FER: variants seen among roughly 807,000 people sequenced by gnomAD.
FER encodes FER tyrosine kinase.
A neutral mutation model predicts 111.0 loss-of-function variants in FER; 63 were observed. The ratio of observed to expected loss-of-function variants is 0.57; its 90% CI spans 0.46 to 0.70. The LOEUF is 0.70. Ranked by LOEUF, FER falls within the 30% of genes least tolerant of loss-of-function variation. FER has a pLI of 0.00. For missense variants in FER, 914 were observed against 954.0 expected (o/e 0.96, Z 0.55); for synonymous variants, 327 against 313.9 (o/e 1.04, Z -0.44).
chr5:108,992,696 C>T (rs1224311670), intron 13 of FER, among the ~76,000 whole-genome samples: 3 of 151,682 alleles, frequency 2.0e-5, no homozygotes, highest in Admixed American at 2.0e-4. Flanking sequence ...CCACCTCCCT[C>T]CCGGATGGGG....
chr5:108,912,107 C>T (rs1359964666), intron 10 of FER, among the ~76,000 whole-genome samples: 1 of 152,164 alleles, frequency 6.6e-6, no homozygotes, highest in Non-Finnish European at 1.5e-5. Context: ...CTGCCTTCCA[C>T]CATAATTGTG....
In FER at chr5:109,146,020, A is replaced by G. The variant is rs528481669; in HGVS notation, c.2049-34727A>G. Among the ~76,000 whole-genome samples, 157 of 151,356 alleles carry G rather than the reference A, an allele frequency of 1.0e-3. 1 individual carries two copies. In the South Asian group the frequency reaches 0.013, roughly 13 times the overall value. On this transcript the variant is annotated intron_variant, in intron 17 of 19. Coordinates refer to ENST00000281092, the MANE Select transcript of FER (RefSeq NM_005246.4). ...CATCTTATGGTATTCAGTTTTTAAG[A>G]TACGTACAGATGACATACCAGGCAA...
At chr5:109,139,503 G>A (rs1003664921) in intron 17 of FER, among the ~76,000 whole-genome samples, 1 of 151,810 alleles carries the variant, frequency 6.6e-6, no homozygotes, top group Admixed American at 6.6e-5. Context: ...ATTGCTAAAA[G>A]ATAGCAGTTT....
At chr5:108,780,381 GTTT>G (rs35241586) in intron 2 of FER, among the ~76,000 whole-genome samples, 5 of 143,848 alleles carry the variant, frequency 3.5e-5, no homozygotes, top group East Asian at 4.1e-4. Context: ...AGGTTAGTGG[GTTT>G]TTTTTTTTTA....
At chr5:109,144,566 A>G (rs1476936058) in intron 17 of FER, among the ~76,000 whole-genome samples, 1 of 152,148 alleles carries the variant, frequency 6.6e-6, no homozygotes, top group Non-Finnish European at 1.5e-5. Flanking sequence ...TCCGATCTTT[A>G]AAAGTGAGAA....
At chr5:109,158,840 A>G (rs1352241481) in intron 17 of FER, among the ~76,000 whole-genome samples, 1 of 152,160 alleles carries the variant, frequency 6.6e-6, no homozygotes, top group East Asian at 1.9e-4. Flanking sequence ...CTTTTCTGCC[A>G]TATCTTAGAA....
At position 108,883,384 on chromosome 5, in the gene FER, T is replaced by C; in HGVS notation, c.924-12T>C. ...ATTTGTTGGTTGTTATTGAGGATAC[T>C]GTTTATTCTAGGTTGAAAACGTTAG... On this transcript the variant is annotated splice_polypyrimidine_tract_variant and intron_variant, in intron 8 of 19. Coordinates refer to ENST00000281092, the MANE Select transcript of FER (RefSeq NM_005246.4). The C allele has an allele frequency of 1.3e-6, 2 of 1,587,416 alleles. No individual in the cohort carries two copies. The highest frequency in any genetic ancestry group is 8.6e-7 in the Non-Finnish European group (1 of 1,168,178).
chr5:109,079,656 C>T (rs1426120437), intron 16 of FER, among the ~76,000 whole-genome samples: 3 of 149,978 alleles, frequency 2.0e-5, no homozygotes, highest in Non-Finnish European at 4.5e-5. Context: ...ATGCCAGAAC[C>T]CCTAAGTAAA....
At chr5:109,095,171 C>A (rs918793123) in intron 16 of FER, among the ~76,000 whole-genome samples, 13 of 152,006 alleles carry the variant, frequency 8.6e-5, no homozygotes, top group African/African-American at 2.9e-4. Flanking sequence ...ATTTATTAGA[C>A]CAAATTAGGA....
intron 6 of FER, 95 bp downstream of exon 6, chr5:108,868,045 A>G: frequency 2.6e-6 from 3 of 1,167,568 alleles, no homozygotes; most frequent in Admixed American, 2.6e-5. Context: ...AAGTTTTATT[A>G]TTAACCCAGT....
At chr5:109,093,761 C>T (rs547477741) in intron 16 of FER, among the ~76,000 whole-genome samples, 76 of 151,994 alleles carry the variant, frequency 5.0e-4, no homozygotes, top group African/African-American at 1.8e-3. Context: ...TTCTTTTTTT[C>T]TCTGCAGGTT....
Position 109,150,542 on chromosome 5 carries a change from A to G in FER, c.2049-30205A>G, listed in dbSNP as rs565618342. Among the ~76,000 whole-genome samples, 3 of 152,338 alleles carry G rather than the reference A, an allele frequency of 2.0e-5. 1 individual carries two copies. Among genetic ancestry groups the G allele is most frequent in the African/African-American group, 7.2e-5 (3 of 41,586 alleles). On this transcript the variant is annotated intron_variant, in intron 17 of 19. Transcript: ENST00000281092. ...CAGACTTCTCTGACACTGCTCTGGA[A>G]TACAAAATAGTAACTTAACTAGGAA...
At chr5:108,993,244 G>A (rs1763494758) in intron 13 of FER, among the ~76,000 whole-genome samples, 1 of 152,254 alleles carries the variant, frequency 6.6e-6, no homozygotes, top group African/African-American at 2.4e-5. Flanking sequence ...TCTAGCCTGG[G>A]CACCATTGAG....
intron 17 of FER, among the ~76,000 whole-genome samples, chr5:109,139,570 T>C (rs1471315558): frequency 6.6e-6 from 1 of 152,092 alleles, no homozygotes; most frequent in African/African-American, 2.4e-5. Flanking sequence ...GACTATGACT[T>C]CATTTTCAGA....
At chr5:108,785,066 C>A in intron 2 of FER, 1 of 396,890 alleles carries the variant, frequency 2.5e-6, no homozygotes, top group South Asian at 3.7e-5. Context: ...GTCTTGTGTT[C>A]GCTTCTTGCC....
rs1753803973 is a variant in FER at position 109,144,068 on chromosome 5, T to A, written c.2049-36679T>A. Among the ~76,000 whole-genome samples, 4 of 152,060 alleles carry A rather than the reference T, an allele frequency of 2.6e-5. No individual in the cohort carries two copies. In the South Asian group the frequency reaches 8.3e-4, roughly 32 times the overall value. The stretch of plus-strand genomic sequence containing the variant: ...GTGTTTCCATAATGTAAATGTCAAA[T>A]CCATTACTCACCACAAAAGCATGAT... On this transcript the variant is annotated intron_variant, in intron 17 of 19. Transcript: ENST00000281092.
At chr5:108,904,077 T>C (rs1750411934) in intron 10 of FER, among the ~76,000 whole-genome samples, 2 of 152,142 alleles carry the variant, frequency 1.3e-5, no homozygotes, top group Non-Finnish European at 2.9e-5. Flanking sequence ...TCAGTTTTTT[T>C]TCATTTATCC....
At chr5:109,138,101 A>G (rs1231615935) in intron 17 of FER, among the ~76,000 whole-genome samples, 3 of 152,174 alleles carry the variant, frequency 2.0e-5, no homozygotes, top group Non-Finnish European at 2.9e-5. Context: ...AGAGAATGCC[A>G]TATGTAGGGC....
intron 16 of FER, among the ~76,000 whole-genome samples, chr5:109,090,585 C>T (rs1778057726): frequency 6.6e-6 from 1 of 151,670 alleles, no homozygotes; most frequent in Non-Finnish European, 1.5e-5. Context: ...GACAATTAAA[C>T]AAAAAAATCA....
Sources: allele counts gnomAD v4.1 joint callset (sites outside exome capture counted in the v4.1 genomes callset), GRCh38; gene constraint gnomAD v4.1.1; transcripts MANE v1.5; gene names NCBI Gene and HGNC (gene_info 2026-07-23, HGNC 2026-07-21).